SLC4A4: variants seen among roughly 807,000 people sequenced by gnomAD.
SLC4A4 encodes electrogenic sodium bicarbonate cotransporter 1.
SLC4A4 carries 27 observed loss-of-function variants against 111.5 expected under a neutral mutation model. The observed-to-expected ratio is 0.24, with a 90% CI of 0.18 to 0.33. The LOEUF is 0.33. SLC4A4 is among the 10% of genes least tolerant of loss of function. The pLI, the probability that SLC4A4 is intolerant of heterozygous loss-of-function variation, is 1.00. For missense variants in SLC4A4, 909 were observed against 1,315.5 expected (o/e 0.69, Z 4.78); for synonymous variants, 443 against 463.4 (o/e 0.96, Z 0.57).
intron 3 of SLC4A4, among the ~76,000 whole-genome samples, chr4:71,326,583 A>G (rs1425865519): frequency 6.6e-6 from 1 of 152,082 alleles, no homozygotes; most frequent in East Asian, 1.9e-4. Context: ...GTTTGTTTTG[A>G]GGATTCAATG....
At chr4:71,304,030 T>G (rs1330796500) in intron 3 of SLC4A4, among the ~76,000 whole-genome samples, 1 of 152,170 alleles carries the variant, frequency 6.6e-6, no homozygotes, top group Non-Finnish European at 1.5e-5. Context: ...ATGAAGAAAC[T>G]TTGGCCTGAT....
intron 14 of SLC4A4, among the ~76,000 whole-genome samples, chr4:71,483,831 ATC>A (rs1729117266): frequency 6.6e-6 from 1 of 151,938 alleles, no homozygotes; most frequent in Non-Finnish European, 1.5e-5. Context: ...CCTCACCAGC[ATC>A]TGTTATTTTT....
chr4:71,256,167 T>C (rs1721436365), intron 3 of SLC4A4, among the ~76,000 whole-genome samples: 1 of 152,186 alleles, frequency 6.6e-6, no homozygotes, highest in Admixed American at 6.5e-5. Flanking sequence ...TTTTGGAAGA[T>C]TCCCCAACAG....
At chr4:71,282,157 A>G (rs1011227929) in intron 3 of SLC4A4, among the ~76,000 whole-genome samples, 11 of 152,194 alleles carry the variant, frequency 7.2e-5, no homozygotes, top group African/African-American at 2.7e-4. Flanking sequence ...TAGGAAAGAA[A>G]AAGTAGCCAT....
At chr4:71,334,401 C>T (rs1231753495) in intron 3 of SLC4A4, among the ~76,000 whole-genome samples, 1 of 151,942 alleles carries the variant, frequency 6.6e-6, no homozygotes, top group East Asian at 1.9e-4. Context: ...AAGACAAAGT[C>T]CTCTTTACTC....
intron 7 of SLC4A4, among the ~76,000 whole-genome samples, chr4:71,434,208 C>T (rs761965960): frequency 9.9e-5 from 15 of 151,900 alleles, no homozygotes; most frequent in Non-Finnish European, 1.8e-4. Context: ...ACAAACATGA[C>T]GTAAGGGTAA....
chr4:71,337,011 C>T (rs551954161), intron 3 of SLC4A4, among the ~76,000 whole-genome samples: 68 of 152,338 alleles, frequency 4.5e-4, no homozygotes, highest in African/African-American at 1.6e-3. Context: ...AACACAGCTA[C>T]ACACTTTGCT....
At chr4:71,119,118 G>T (rs1437750149) in intron 2 of SLC4A4, among the ~76,000 whole-genome samples, 2 of 152,162 alleles carry the variant, frequency 1.3e-5, no homozygotes, top group Admixed American at 6.5e-5. Context: ...TACCACTCTG[G>T]TATGGGTTGC....
At chr4:71,359,719 A>G (rs972189854) in intron 6 of SLC4A4, among the ~76,000 whole-genome samples, 1 of 152,220 alleles carries the variant, frequency 6.6e-6, no homozygotes, top group African/African-American at 2.4e-5. Context: ...TAAAAATTAT[A>G]GAATTACTGT....
intron 1 of SLC4A4, among the ~76,000 whole-genome samples, chr4:71,197,815 C>T (rs570715589): frequency 6.6e-6 from 1 of 152,088 alleles, no homozygotes; most frequent in African/African-American, 2.4e-5. Context: ...TGTATAACCA[C>T]AGATTATAAA....
chr4:71,410,160 A>G (rs1464751660), intron 7 of SLC4A4, among the ~76,000 whole-genome samples: 2 of 152,198 alleles, frequency 1.3e-5, no homozygotes, highest in East Asian at 1.9e-4. Flanking sequence ...TGGATCCCCC[A>G]CACTGAGTCC....
upstream of SLC4A4, among the ~76,000 whole-genome samples, chr4:71,184,330 C>T (rs1038004070): frequency 4.6e-5 from 7 of 152,156 alleles, no homozygotes; most frequent in Admixed American, 6.5e-5. Context: ...ACTACCTATT[C>T]GAAAACTTTC....
At chr4:71,289,816 C>T (rs1724194767) in intron 3 of SLC4A4, among the ~76,000 whole-genome samples, 1 of 152,200 alleles carries the variant, frequency 6.6e-6, no homozygotes, top group African/African-American at 2.4e-5. Context: ...CAGGCTAGGA[C>T]AAGGCGGAAC....
chr4:71,100,337 A>C (rs1251481473), intron 2 of SLC4A4, among the ~76,000 whole-genome samples: 2 of 150,280 alleles, frequency 1.3e-5, no homozygotes, highest in African/African-American at 5.0e-5. Flanking sequence ...CATAAACAGA[A>C]TTAAAGACAA....
At chr4:71,454,032 A>G (rs1385171911) in intron 12 of SLC4A4, among the ~76,000 whole-genome samples, 1 of 152,164 alleles carries the variant, frequency 6.6e-6, no homozygotes, top group Non-Finnish European at 1.5e-5. Context: ...TGATGATTAC[A>G]CTTTCTTTGG....
At chr4:71,497,396 T>A in intron 15 of SLC4A4, 105 bp from the exon 16 acceptor site, 1 of 955,796 alleles carries the variant, frequency 1.0e-6, no homozygotes. Flanking sequence ...TTTCAAACTG[T>A]TTTACAGAAA....
At chr4:71,438,525 C>T (rs892323456) in intron 7 of SLC4A4, among the ~76,000 whole-genome samples, 6 of 152,132 alleles carry the variant, frequency 3.9e-5, no homozygotes, top group Non-Finnish European at 7.4e-5. Flanking sequence ...AAAACCAAGT[C>T]TTCTGATTTT....
At chr4:71,516,246 C>T (rs1578092517) in intron 16 of SLC4A4, among the ~76,000 whole-genome samples, 8 of 151,592 alleles carry the variant, frequency 5.3e-5, no homozygotes. Context: ...TAGGCACCCG[C>T]CACCACGCCC....
At chr4:71,393,979 G>A (rs556874919) in intron 6 of SLC4A4, among the ~76,000 whole-genome samples, 22 of 152,198 alleles carry the variant, frequency 1.4e-4, no homozygotes, top group African/African-American at 4.8e-4. Context: ...AATGAAACTG[G>A]ATCCTCATCT....
Sources: allele counts gnomAD v4.1 joint callset (sites outside exome capture counted in the v4.1 genomes callset), GRCh38; gene constraint gnomAD v4.1.1; transcripts MANE v1.5; gene names NCBI Gene and HGNC (gene_info 2026-07-23, HGNC 2026-07-21).